Variants in MEGF10 observed in about 807,000 individuals in gnomAD.
MEGF10 encodes multiple EGF like domains 10.
MEGF10 carries 86 observed loss-of-function variants against 147.5 expected under a neutral mutation model. That is an observed-to-expected ratio of 0.58 (90% CI 0.49 to 0.70). The LOEUF (loss-of-function observed/expected upper bound fraction) is 0.70. Ranked by LOEUF, MEGF10 falls within the 30% of genes least tolerant of loss-of-function variation. The pLI, the probability that MEGF10 is intolerant of heterozygous loss-of-function variation, is 0.00. For synonymous variants in MEGF10, 478 were observed against 525.5 expected (o/e 0.91, Z 1.24); for missense variants, 1,329 against 1,487.3 (o/e 0.89, Z 1.75).
At chr5:127,387,595 G>A (rs929195240) in intron 5 of MEGF10, among the ~76,000 whole-genome samples, 5 of 152,292 alleles carry the variant, frequency 3.3e-5, no homozygotes, top group African/African-American at 9.6e-5. Flanking sequence ...GGTGTTCAGC[G>A]TGGCATAAGG....
chr5:127,247,287 G>T, the MEGF10 span, among the ~76,000 whole-genome samples: 2 of 118,070 alleles, frequency 1.7e-5, no homozygotes, highest in South Asian at 5.8e-4. Context: ...GTGTGGTTGG[G>T]GGGTGGGGGA....
intron 8 of MEGF10, among the ~76,000 whole-genome samples, chr5:127,408,046 A>C (rs1392801463): frequency 6.6e-6 from 1 of 152,188 alleles, no homozygotes; most frequent in African/African-American, 2.4e-5. Flanking sequence ...GCAAACTAGT[A>C]GTGTGTTTAA....
intron 9 of MEGF10, among the ~76,000 whole-genome samples, chr5:127,416,833 T>C (rs1030621630): frequency 3.8e-4 from 58 of 152,192 alleles, no homozygotes; most frequent in African/African-American, 1.4e-3. Flanking sequence ...CCCTCCCAGG[T>C]TGTCATTCTT....
chr5:127,289,683 T>G (rs1199336485), upstream of MEGF10, among the ~76,000 whole-genome samples: 1 of 152,224 alleles, frequency 6.6e-6, no homozygotes, highest in Non-Finnish European at 1.5e-5. Context: ...TGTTCATTCA[T>G]TCCATTCATT....
At chr5:127,346,526 A>C (rs1207236981) in intron 4 of MEGF10, among the ~76,000 whole-genome samples, 1 of 151,994 alleles carries the variant, frequency 6.6e-6, no homozygotes, top group Non-Finnish European at 1.5e-5. Flanking sequence ...TTGTCTATTT[A>C]TGTCCTTAGC....
chr5:127,306,424 A>AG (rs1580688558), intron 1 of MEGF10, among the ~76,000 whole-genome samples: 1 of 152,222 alleles, frequency 6.6e-6, no homozygotes, highest in African/African-American at 2.4e-5. Context: ...TTTAAAAAAA[A>AG]CAAGCAACTT....
At chr5:127,371,069 C>T (rs1413554822) in intron 5 of MEGF10, among the ~76,000 whole-genome samples, 2 of 152,090 alleles carry the variant, frequency 1.3e-5, no homozygotes, top group Non-Finnish European at 2.9e-5. Context: ...CTACTTGTTT[C>T]GGACTTGTGA....
Position 127,402,653 on chromosome 5 carries a change from T to C in MEGF10, c.888T>C (p.Cys296=), listed in dbSNP as rs1447315329. ...CGTGTGATGCTGCCACAGGCCAATG[T>C]CATTGCAGTCCAGGATACACAGGGG... ...GGTCDAATGQ[C]HCSPGYTGER... is the part of the protein sequence containing the mutation. The change falls in exon 8 of 25, where the codon TGT becomes TGC. Residue 296 remains cysteine, a synonymous_variant. Coordinates refer to ENST00000503335, the MANE Select transcript of MEGF10 (RefSeq NM_001256545.2). The C allele has an allele frequency of 1.2e-6, 2 of 1,613,942 alleles. No individual in the cohort carries two copies. The highest frequency in any genetic ancestry group is 3.3e-5 in the Admixed American group (2 of 59,982).
intron 5 of MEGF10, among the ~76,000 whole-genome samples, chr5:127,377,342 G>T (rs1763070305): frequency 6.6e-6 from 1 of 152,136 alleles, no homozygotes; most frequent in Non-Finnish European, 1.5e-5. Context: ...GGCACAAATG[G>T]TAGAGTCCTA....
intron 16 of MEGF10, among the ~76,000 whole-genome samples, chr5:127,437,284 C>T (rs556570038): frequency 3.9e-5 from 6 of 152,252 alleles, no homozygotes; most frequent in South Asian, 2.1e-4. Flanking sequence ...TGACCTTGTA[C>T]GAGTCACTAT....
At chr5:127,395,149 TAATA>T (rs1414818026) in intron 5 of MEGF10, among the ~76,000 whole-genome samples, 1 of 152,228 alleles carries the variant, frequency 6.6e-6, no homozygotes, top group African/African-American at 2.4e-5. Flanking sequence ...TTATAGCATC[TAATA>T]AATATACCGC....
At chr5:127,253,226 G>A in the MEGF10 span, among the ~76,000 whole-genome samples, 1 of 151,890 alleles carries the variant, frequency 6.6e-6, no homozygotes, top group Non-Finnish European at 1.5e-5. Context: ...TATTGAGCCA[G>A]GGATTATTCT....
the MEGF10 span, among the ~76,000 whole-genome samples, chr5:127,259,104 T>C: frequency 6.6e-6 from 1 of 152,082 alleles, no homozygotes; most frequent in Non-Finnish European, 1.5e-5. Context: ...ATCTGAACAA[T>C]TCCAGATGAG....
chr5:127,456,690 C>T (rs190503344), intron 24 of MEGF10, among the ~76,000 whole-genome samples: 3 of 152,336 alleles, frequency 2.0e-5, no homozygotes, highest in Admixed American at 1.3e-4. Context: ...AAACCTGCCA[C>T]AGTAGGATGG....
At chr5:127,377,352 A>G (rs1410020327) in intron 5 of MEGF10, among the ~76,000 whole-genome samples, 1 of 152,216 alleles carries the variant, frequency 6.6e-6, no homozygotes, top group Admixed American at 6.5e-5. Context: ...GTAGAGTCCT[A>G]AATCAGCCAG....
chr5:127,404,995 C>T (rs1290170921), intron 8 of MEGF10, among the ~76,000 whole-genome samples: 2 of 152,028 alleles, frequency 1.3e-5, no homozygotes, highest in African/African-American at 2.4e-5. Context: ...AGATTACAGG[C>T]GTTGGAAACA....
rs561643029 is a variant in MEGF10 at position 127,419,385 on chromosome 5, G to A, written c.1426+145G>A. 62 of 955,336 alleles carry A rather than the reference G, an allele frequency of 6.5e-5. 2 individuals carry two copies. In the South Asian group the frequency reaches 1.1e-3, roughly 16 times the overall value. The allele number at this position is 955,336 out of a possible 1,614,324, so 59.2% of individuals were successfully genotyped here. A position where few individuals can be genotyped will look rare whatever the true frequency, so the allele number is the denominator to read the frequency against. On this transcript the variant is annotated intron_variant, in intron 11 of 24. Coordinates refer to ENST00000503335, the MANE Select transcript of MEGF10 (RefSeq NM_001256545.2). Reference sequence around the variant, plus strand: ...CTCCGCAAGCCCCTCATCCAGTATGGGCTGGAACGCTTTCCTGAGTGAAGG... The same window carrying A: ...CTCCGCAAGCCCCTCATCCAGTATGAGCTGGAACGCTTTCCTGAGTGAAGG...
At chr5:127,335,986 C>T (rs549958840) in intron 2 of MEGF10, among the ~76,000 whole-genome samples, 20 of 147,172 alleles carry the variant, frequency 1.4e-4, no homozygotes, top group Middle Eastern at 3.5e-3. Context: ...GGCTTAGTAC[C>T]TTTCTCCTAT....
At chr5:127,247,427 A>G in the MEGF10 span, among the ~76,000 whole-genome samples, 15 of 98,844 alleles carry the variant, frequency 1.5e-4, no homozygotes, top group African/African-American at 5.0e-4. Flanking sequence ...AAGAAGAAGA[A>G]GAAGAAGAAG....
Sources: gnomAD v4.1 joint callset for allele counts (sites outside exome capture counted in the v4.1 genomes callset) on GRCh38, gnomAD v4.1.1 for gene constraint, MANE v1.5 for transcripts, NCBI Gene and HGNC (gene_info 2026-07-23, HGNC 2026-07-21) for gene names.